Variants in APBA2 observed in about 807,000 individuals in gnomAD.
APBA2 encodes amyloid beta precursor protein binding family A member 2.
Under a neutral mutation model 75.0 loss-of-function variants are expected in APBA2, and 30 were observed. The ratio of observed to expected loss-of-function variants is 0.40; its 90% confidence interval spans 0.30 to 0.54. APBA2 has a LOEUF of 0.54. APBA2 is among the 20% of genes least tolerant of loss of function. The probability of loss-of-function intolerance (pLI) is 0.49; values close to 1 mark genes in which losing one functional copy is unlikely to be tolerated. For missense variants in APBA2, 801 were observed against 1,016.1 expected, an observed-to-expected ratio of 0.79 and a Z score of 2.88; for synonymous variants, 444 against 409.6, an observed-to-expected ratio of 1.08 and a Z score of -1.01.
chr15:28,989,258 T>G (rs754196171), intron 2 of APBA2, among the ~76,000 whole-genome samples: 1 of 152,324 alleles, frequency 6.6e-6, no homozygotes, highest in African/African-American at 2.4e-5. Context: ...GGGGCCACAT[T>G]GCCAGGGTTA....
At chr15:28,988,538 G>C (rs2038049685) in intron 2 of APBA2, among the ~76,000 whole-genome samples, 2 of 152,102 alleles carry the variant, frequency 1.3e-5, no homozygotes, top group South Asian at 4.2e-4. Flanking sequence ...TGCTAGGATT[G>C]CAGGCCTGAG....
At chr15:28,968,042 C>G (rs1403137109) in intron 2 of APBA2, among the ~76,000 whole-genome samples, 1 of 152,246 alleles carries the variant, frequency 6.6e-6, no homozygotes, top group African/African-American at 2.4e-5. Flanking sequence ...TGGAATCCTA[C>G]AATATTTTTG....
chr15:29,092,353 CAT>C (rs747069244), intron 6 of APBA2, among the ~76,000 whole-genome samples: 6 of 152,212 alleles, frequency 3.9e-5, no homozygotes, highest in Admixed American at 1.3e-4. Flanking sequence ...ATGACTCTAA[CAT>C]GTGGCTCTTT....
At chr15:28,921,775 A>T (rs932421444) in intron 2 of APBA2, 26 bp downstream of exon 2, 7 of 152,186 alleles carry the variant, frequency 4.6e-5, no homozygotes, top group African/African-American at 1.4e-4. Context: ...TATGATCCCC[A>T]CTGCACTTAA....
At position 29,054,694 on chromosome 15, in the gene APBA2, C is replaced by T; in HGVS notation, c.810C>T (p.Ala270=). The change falls in exon 4 of 15, where the codon GCC becomes GCT. Residue 270 remains alanine (A), a synonymous_variant. Coordinates refer to ENST00000683413, the MANE Select transcript of APBA2 (RefSeq NM_001353788.2). This position sits in a 1 kb window ranked among gnomAD's most constrained non-coding sequence, Gnocchi z 6.1. The stretch of plus-strand genomic sequence containing the variant: ...TAGAGGCCTGCCCACCCATCAAGGC[C>T]AGCTGCAGCCCCAGCAGGCACGAGG... ...DSVEACPPIK[A]SCSPSRHEAR... 1.2e-6 allele frequency: 2 copies of T among 1,613,988 alleles called. No individual in the cohort carries two copies. The highest frequency in any genetic ancestry group is 1.1e-5 in the South Asian group (1 of 91,058).
intron 3 of APBA2, among the ~76,000 whole-genome samples, chr15:29,015,242 A>T (rs145717579): frequency 7.1e-4 from 108 of 152,352 alleles, no homozygotes; most frequent in African/African-American, 2.2e-3. Context: ...AGAATCAGCC[A>T]TCAAGCTGTC....
chr15:29,063,906 A>G (rs1302423599), intron 4 of APBA2, among the ~76,000 whole-genome samples: 4 of 152,068 alleles, frequency 2.6e-5, no homozygotes, highest in Non-Finnish European at 5.9e-5. Flanking sequence ...GAGGAGGACC[A>G]GGACTGGTCA....
Position 28,912,349 on chromosome 15 carries a change from G to T in APBA2, c.-204-9291G>T, listed in dbSNP as rs578207857. ...GTTATTCAAAGATCTATCCTTTTGT[G>T]CTTTGAAATCTGAAATGTAGAAACT... On this transcript the variant is annotated intron_variant, in intron 1 of 14. Coordinates refer to ENST00000683413, the MANE Select transcript of APBA2 (RefSeq NM_001353788.2). Among the ~76,000 whole-genome samples the T allele has an allele frequency of 3.9e-5, 6 of 152,318 alleles. No individual in the cohort carries two copies. The East Asian group carries it at 1.2e-3, about 29-fold the overall frequency.
At chr15:29,105,601 C>T in intron 11 of APBA2, 43 bp downstream of exon 11, 3 of 1,605,130 alleles carry the variant, frequency 1.9e-6, no homozygotes, top group Non-Finnish European at 2.6e-6. Flanking sequence ...CATTTGCCAG[C>T]TTCTGCTCCC....
chr15:29,041,834 A>T (rs2041063423), intron 3 of APBA2, among the ~76,000 whole-genome samples: 1 of 152,228 alleles, frequency 6.6e-6, no homozygotes, highest in Non-Finnish European at 1.5e-5. Context: ...TGGTGAAAAA[A>T]TATTCCTGAT....
At chr15:29,092,714 T>TC in intron 6 of APBA2, among the ~76,000 whole-genome samples, 1 of 152,220 alleles carries the variant, frequency 6.6e-6, no homozygotes, top group East Asian at 1.9e-4. Context: ...CAGCATGAGT[T>TC]CCGGGGCTGT....
At chr15:28,919,989 C>G (rs911785414) in intron 1 of APBA2, among the ~76,000 whole-genome samples, 2 of 152,212 alleles carry the variant, frequency 1.3e-5, no homozygotes, top group Non-Finnish European at 2.9e-5. Context: ...AGAGGCCCCT[C>G]CTCGGCCTTT....
intron 2 of APBA2, among the ~76,000 whole-genome samples, chr15:28,989,741 G>A (rs2038120459): frequency 6.6e-6 from 1 of 152,194 alleles, no homozygotes; most frequent in South Asian, 2.1e-4. Flanking sequence ...GGCGGCCTTG[G>A]CGGGCTGTGT....
At position 29,056,606 on chromosome 15, in the gene APBA2, C is replaced by CT. The variant is rs1391611533; in HGVS notation, c.951+1772dup. 2.9e-3 allele frequency among the ~76,000 whole-genome samples: 13 copies of CT among 4,504 alleles called. 1 individual carries two copies. The South Asian group carries it at 0.058, about 20-fold the overall frequency. 3.0% of individuals were successfully genotyped at this position (4,504 alleles called of 152,430 possible). Reference sequence around the variant, plus strand: ...CCTCCCTCCCTCCCTCCCTCCCTCCCTCCCTCCTTCTCTCCCTCCCTCCCT... The same window carrying CT: ...CCTCCCTCCCTCCCTCCCTCCCTCCCTTCCCTCCTTCTCTCCCTCCCTCCCT... On this transcript the variant is annotated intron_variant, in intron 4 of 14. Coordinates refer to ENST00000683413, the MANE Select transcript of APBA2 (RefSeq NM_001353788.2).
intron 3 of APBA2, among the ~76,000 whole-genome samples, chr15:28,999,750 A>C (rs2038743551): frequency 6.6e-6 from 1 of 152,172 alleles, no homozygotes; most frequent in Non-Finnish European, 1.5e-5. Flanking sequence ...TTTATCTTAG[A>C]GTTTATGTAT....
chr15:29,009,729 GTCAC>G (rs1392098865), intron 3 of APBA2, among the ~76,000 whole-genome samples: 6 of 152,310 alleles, frequency 3.9e-5, no homozygotes, highest in East Asian at 3.9e-4. Flanking sequence ...GTTTGTGAGA[GTCAC>G]TCACAGGTGG....
chr15:29,076,487 G>A (rs1187030798), intron 6 of APBA2, among the ~76,000 whole-genome samples: 2 of 139,898 alleles, frequency 1.4e-5, no homozygotes, highest in Non-Finnish European at 3.1e-5. Context: ...TTTCTTTACC[G>A]TTCCACCCTT....
intron 1 of APBA2, among the ~76,000 whole-genome samples, chr15:28,912,429 A>G (rs1389251867): frequency 6.6e-6 from 1 of 152,212 alleles, no homozygotes; most frequent in East Asian, 1.9e-4. Context: ...TCAGGACTGG[A>G]TCTTGTATTT....
chr15:29,007,565 G>A (rs2039183475), intron 3 of APBA2, among the ~76,000 whole-genome samples: 1 of 152,144 alleles, frequency 6.6e-6, no homozygotes, highest in South Asian at 2.1e-4. Flanking sequence ...AACGAACAAA[G>A]GGCTTGAATA....
Sources: gnomAD v4.1 joint callset for allele counts (sites outside exome capture counted in the v4.1 genomes callset) on GRCh38, gnomAD v4.1.1 for gene constraint, Gnocchi (gnomAD v3.1) non-coding constraint, MANE v1.5 for transcripts, NCBI Gene and HGNC (gene_info 2026-07-23, HGNC 2026-07-21) for gene names.